IFT122: variants seen among roughly 807,000 people sequenced by gnomAD.
IFT122 encodes intraflagellar transport 122.
A neutral mutation model predicts 161.6 loss-of-function variants in IFT122; 118 were observed. That is an observed-to-expected ratio of 0.73 (90% CI 0.63 to 0.85). The LOEUF is 0.85. Among genes scored for constraint, IFT122 ranks in the 40% least tolerant of loss-of-function variants. The pLI is 0.00. For missense variants in IFT122, 1,381 were observed against 1,579.6 expected, an observed-to-expected ratio of 0.87 and a Z score of 2.13; for synonymous variants, 550 against 602.4, an observed-to-expected ratio of 0.91 and a Z score of 1.27.
rs1413375766 is a variant in IFT122 at position 129,514,437 on chromosome 3, C to T, written c.3036C>T (p.Tyr1012=). The T allele has an allele frequency of 1.2e-6, 2 of 1,614,096 alleles. No homozygotes were observed. Among genetic ancestry groups the T allele is most frequent in the African/African-American group, 1.3e-5 (1 of 74,930 alleles). Residue 1012 remains tyrosine (Y), a synonymous_variant, in exon 25 of 30, where the codon TAC becomes TAT. Transcript: ENST00000348417. The part of the protein sequence containing the change: ...LAKQSKALGA[Y]RLARHAYDKL... Reference sequence around the variant, plus strand: ...AGCAGAGCAAGGCCCTCGGTGCCTACAGGCTGGCCCGGCACGCCTATGACA... The same window carrying T: ...AGCAGAGCAAGGCCCTCGGTGCCTATAGGCTGGCCCGGCACGCCTATGACA...
intron 16 of IFT122, among the ~76,000 whole-genome samples, chr3:129,491,804 C>G (rs1195902905): frequency 1.3e-5 from 2 of 152,200 alleles, no homozygotes; most frequent in African/African-American, 4.8e-5. Context: ...CGTGACCCCC[C>G]AGAGGGTCAG....
chr3:129,464,564 C>A, intron 6 of IFT122, 71 bp from the exon 7 acceptor site: 1 of 1,581,892 alleles, frequency 6.3e-7, no homozygotes, highest in Non-Finnish European at 8.7e-7. Flanking sequence ...ACCAAGGCAT[C>A]ATCCTCACTA....
intron 21 of IFT122, among the ~76,000 whole-genome samples, chr3:129,504,669 C>T (rs1035546425): frequency 1.3e-5 from 2 of 152,258 alleles, no homozygotes; most frequent in East Asian, 3.8e-4. Flanking sequence ...CTCTCCAAGC[C>T]TCTGTGGTTA....
chr3:129,503,773 T>G (rs1353085026), intron 20 of IFT122, among the ~76,000 whole-genome samples: 1 of 152,144 alleles, frequency 6.6e-6, no homozygotes, highest in African/African-American at 2.4e-5. Flanking sequence ...CAGCATAGAT[T>G]AGAGCATCTT....
chr3:129,460,999 G>T, intron 4 of IFT122: 1 of 1,381,882 alleles, frequency 7.2e-7, no homozygotes. Flanking sequence ...AAACCAACCT[G>T]GCCAAAAGTG....
At chr3:129,488,195 A>T (rs773457779) in intron 15 of IFT122, 62 bp from the exon 16 acceptor site, 7 of 1,612,862 alleles carry the variant, frequency 4.3e-6, no homozygotes, top group Non-Finnish European at 5.1e-6. Context: ...CTCTGTATGC[A>T]TCTGGTTCTT....
intron 16 of IFT122, among the ~76,000 whole-genome samples, chr3:129,489,546 T>G (rs1242989476): frequency 2.0e-5 from 3 of 152,008 alleles, no homozygotes; most frequent in African/African-American, 7.2e-5. Flanking sequence ...GCTGTAAGAA[T>G]TCAGAGGAGG....
intron 18 of IFT122, among the ~76,000 whole-genome samples, chr3:129,498,254 C>T (rs891611083): frequency 2.0e-5 from 3 of 152,352 alleles, no homozygotes; most frequent in Non-Finnish European, 2.9e-5. Context: ...TCACCCTTGC[C>T]GTGGTCACCC....
intron 18 of IFT122, among the ~76,000 whole-genome samples, chr3:129,497,181 T>C (rs1176116687): frequency 2.0e-5 from 3 of 152,104 alleles, no homozygotes. Context: ...GGTGGAAAGA[T>C]TGCTTGAGCC....
intron 1 of IFT122, among the ~76,000 whole-genome samples, chr3:129,440,664 A>G (rs2072896951): frequency 6.6e-6 from 1 of 152,214 alleles, no homozygotes; most frequent in South Asian, 2.1e-4. Flanking sequence ...CACCCACGAG[A>G]CAGCACGAAG....
intron 3 of IFT122, among the ~76,000 whole-genome samples, chr3:129,452,964 T>C (rs1020752260): frequency 6.6e-6 from 1 of 152,018 alleles, no homozygotes. Flanking sequence ...ATATGGGCTA[T>C]GAAGAAAAAG....
chr3:129,447,622 C>T (rs1364048056), intron 1 of IFT122, among the ~76,000 whole-genome samples: 3 of 152,214 alleles, frequency 2.0e-5, no homozygotes, highest in Non-Finnish European at 4.4e-5. Context: ...AAGCAATTCT[C>T]CTGCCTCAGC....
intron 18 of IFT122, among the ~76,000 whole-genome samples, chr3:129,499,155 G>A (rs569574516): frequency 2.0e-5 from 3 of 152,132 alleles, no homozygotes; most frequent in Admixed American, 6.5e-5. Context: ...TCCCACTGTC[G>A]GATCAGGTTC....
Position 129,499,900 on chromosome 3 carries a change from A to C in IFT122, c.2209-2A>C, listed in dbSNP as rs770359205. ...GTGTTTTTGTTTGTTGTGCTTCCTCAGGATTTCCTTGGATCTGGAGACCCC... is the reference window on the plus strand; with the variant it reads ...GTGTTTTTGTTTGTTGTGCTTCCTCCGGATTTCCTTGGATCTGGAGACCCC... On this transcript the variant is annotated splice_acceptor_variant, in intron 18 of 29. Transcript: ENST00000348417. LOFTEE classifies it high-confidence loss of function. 1 of 1,614,120 alleles carries C rather than the reference A, an allele frequency of 6.2e-7. No individual in the cohort carries two copies. The highest frequency in any genetic ancestry group is 1.1e-5 in the South Asian group (1 of 91,080).
chr3:129,459,764 CCTTCCTTCCTTT>C (rs1175793149), intron 4 of IFT122, among the ~76,000 whole-genome samples: 1 of 134,932 alleles, frequency 7.4e-6, no homozygotes, highest in Non-Finnish European at 1.5e-5. Flanking sequence ...TTCCTTCCTT[CCTTCCTTCCTTT>C]CTTTTCAGTC....
Position 129,478,193 on chromosome 3 carries a change from G to GT in IFT122, c.1326dup (p.Ala443CysfsTer85). On this transcript the variant is annotated frameshift_variant, in exon 12 of 30. Coordinates refer to ENST00000348417, the MANE Select transcript of IFT122 (RefSeq NM_052989.3). LOFTEE classifies it high-confidence loss of function. ...TTTGAGTGCAACCTCCTGGTGGTGT[G>GT]TGCCAATCACATCATCCTGTGCCAG... is the stretch of plus-strand genomic sequence containing the variant. The GT allele has an allele frequency of 6.2e-7, 1 of 1,614,212 alleles. No homozygotes were observed. Among genetic ancestry groups the GT allele is most frequent in the Non-Finnish European group, 8.5e-7 (1 of 1,180,050 alleles).
At chr3:129,469,487 TATTA>T in intron 9 of IFT122, 70 bp downstream of exon 9, 1 of 1,172,804 alleles carries the variant, frequency 8.5e-7, no homozygotes, top group East Asian at 2.4e-5. Context: ...ATTCTGTTAC[TATTA>T]ATTATACATT....
At chr3:129,461,024 CA>C in intron 4 of IFT122, 2 of 1,153,284 alleles carry the variant, frequency 1.7e-6, no homozygotes, top group Non-Finnish European at 2.6e-6. Flanking sequence ...CCCATCTCTA[CA>C]AATAAGAAAA....
intron 9 of IFT122, among the ~76,000 whole-genome samples, chr3:129,472,663 TTTC>T (rs1371393671): frequency 6.6e-6 from 1 of 152,240 alleles, no homozygotes; most frequent in African/African-American, 2.4e-5. Context: ...TCTTGAAATA[TTTC>T]TTCTTCTCCA....
Sources: allele counts gnomAD v4.1 joint callset (sites outside exome capture counted in the v4.1 genomes callset), GRCh38; gene constraint gnomAD v4.1.1; transcripts MANE v1.5; gene names NCBI Gene and HGNC (gene_info 2026-07-23, HGNC 2026-07-21).